BRD1: variants seen among roughly 807,000 people sequenced by gnomAD.
BRD1 encodes bromodomain-containing protein 1.
Under a neutral mutation model 107.7 loss-of-function variants are expected in BRD1, and 24 were observed. That is an observed-to-expected ratio of 0.22 (90% confidence interval 0.16 to 0.31). The LOEUF (loss-of-function observed/expected upper bound fraction) is 0.31. BRD1 is among the 10% of genes least tolerant of loss of function. The pLI, the probability that BRD1 is intolerant of heterozygous loss-of-function variation, is 1.00. For missense variants in BRD1, 1,279 were observed against 1,638.6 expected (o/e 0.78, Z 3.79); for synonymous variants, 744 against 686.1 (o/e 1.08, Z -1.32).
At chr22:49,784,863 C>T (rs918047156) in intron 8 of BRD1, among the ~76,000 whole-genome samples, 5 of 152,208 alleles carry the variant, frequency 3.3e-5, no homozygotes, top group East Asian at 1.9e-4. Context: ...CTCCCACTCC[C>T]GAGGGCCTGG....
intron 3 of BRD1, among the ~76,000 whole-genome samples, chr22:49,800,628 C>T (rs1182018544): frequency 6.6e-6 from 1 of 152,200 alleles, no homozygotes; most frequent in African/African-American, 2.4e-5. Flanking sequence ...GCTCCCCAAC[C>T]TGGTTTAACA....
intron 7 of BRD1, among the ~76,000 whole-genome samples, chr22:49,791,365 C>A (rs2059431484): frequency 6.6e-6 from 1 of 152,226 alleles, no homozygotes; most frequent in South Asian, 2.1e-4. Context: ...TGGCACTCAA[C>A]GGCTACAGCC....
At chr22:49,825,854 TTC>T (rs2060141705) in intron 1 of BRD1, 1 of 152,270 alleles carries the variant, frequency 6.6e-6, no homozygotes, top group Non-Finnish European at 1.5e-5. Context: ...CTGGGTATCT[TTC>T]TCTGTATCAG....
At chr22:49,804,502 A>G (rs1054357073) in intron 2 of BRD1, 142 bp from the exon 3 acceptor site, 12 of 932,336 alleles carry the variant, frequency 1.3e-5, no homozygotes, top group Non-Finnish European at 1.7e-5. Context: ...TATTTCTACT[A>G]TCCCTAGTGC....
At position 49,823,951 on chromosome 22, in the gene BRD1, G is replaced by A; in HGVS notation, c.367C>T (p.Arg123Cys). 2 of 1,614,088 alleles carry A rather than the reference G, an allele frequency of 1.2e-6. No individual in the cohort carries two copies. The highest frequency in any genetic ancestry group is 2.2e-5 in the East Asian group (1 of 44,876). Reference protein sequence around the residue: ...SASALPEPKVRIVEYSPPSAP... With the variant: ...SASALPEPKVCIVEYSPPSAP... The stretch of plus-strand genomic sequence containing the variant: ...GACGGAGGGCTGTACTCCACGATGC[G>A]CACCTTGGGCTCCGGGAGGGCACTG... The change falls in exon 2 of 13, where the codon CGC (arginine) becomes TGC (cysteine). Residue 123 changes from arginine (R) to cysteine (C), a missense_variant. Around this residue, in one of 7 missense-constraint regions of BRD1, gnomAD observed 223 missense variants for 263.5 expected, o/e 0.85. Coordinates refer to ENST00000404760, the MANE Select transcript of BRD1 (RefSeq NM_001304808.3).
chr22:49,814,095 G>A (rs958465407), intron 2 of BRD1, among the ~76,000 whole-genome samples: 2 of 152,190 alleles, frequency 1.3e-5, no homozygotes, highest in Non-Finnish European at 2.9e-5. Flanking sequence ...CAATGGAATG[G>A]AAGGAATGGG....
At chr22:49,784,257 C>T (rs983728073) in intron 8 of BRD1, among the ~76,000 whole-genome samples, 25 of 150,738 alleles carry the variant, frequency 1.7e-4, no homozygotes, top group Non-Finnish European at 3.1e-4. Context: ...CGCCCCAGCA[C>T]GTGCACAGGG....
In BRD1 at chr22:49,826,243, G is replaced by A. The variant is rs969292845; in HGVS notation, c.-15+1254C>T. ...GCCCCTGGAAACCCACTCTCTCCCAGGGAGCCGTGAAGCTCTTCATCGCAA... is the reference window on the plus strand; with the variant it reads ...GCCCCTGGAAACCCACTCTCTCCCAAGGAGCCGTGAAGCTCTTCATCGCAA... On this transcript the variant is annotated intron_variant, in intron 1 of 12. Coordinates refer to ENST00000404760, the MANE Select transcript of BRD1 (RefSeq NM_001304808.3). 28 of 985,466 alleles carry A rather than the reference G, an allele frequency of 2.8e-5. No individual in the cohort carries two copies. In the South Asian group the frequency reaches 1.2e-3, roughly 43 times the overall value. The allele number at this position is 985,466 out of a possible 1,614,324, so 61.0% of individuals were successfully genotyped here.
chr22:49,793,624 C>A (rs1246939246), intron 7 of BRD1, among the ~76,000 whole-genome samples: 4 of 152,140 alleles, frequency 2.6e-5, no homozygotes, highest in South Asian at 2.1e-4. Context: ...GATGGCCTAG[C>A]GCACAATTAA....
chr22:49,774,760 C>T (rs2059048256), intron 12 of BRD1, among the ~76,000 whole-genome samples: 1 of 152,254 alleles, frequency 6.6e-6, no homozygotes. Flanking sequence ...TTGGGGAGAC[C>T]CCATCAAAGG....
Position 49,815,160 on chromosome 22 carries a change from T to C in BRD1, c.1367+7791A>G, listed in dbSNP as rs1366827036. 2.6e-5 allele frequency among the ~76,000 whole-genome samples: 4 copies of C among 152,316 alleles called. No individual in the cohort carries two copies. In the South Asian group the frequency reaches 8.3e-4, roughly 32 times the overall value. ...AGTCTGAGTGCAGAGGAAGGTGCGG[T>C]GAGGCCAGTGAGAAACGCAGCCCAT... On this transcript the variant is annotated intron_variant, in intron 2 of 12. Transcript: ENST00000404760.
rs17001300 is a variant in BRD1, at chr22:49,790,067, G to T, written c.2360-2180C>A. ...GCCGCCAGCACGCAGGCTAAAGGATGCGTTCCTGCAGCACTGACCAGAGGC... is the reference window on the plus strand; with the variant it reads ...GCCGCCAGCACGCAGGCTAAAGGATTCGTTCCTGCAGCACTGACCAGAGGC... On this transcript the variant is annotated intron_variant, in intron 7 of 12. Transcript: ENST00000404760. Among the ~76,000 whole-genome samples, 1,296 of 152,328 alleles carry T rather than the reference G, an allele frequency of 8.5e-3. 21 individuals carry two copies. The highest frequency in any genetic ancestry group is 0.03 in the African/African-American group (1,243 of 41,562).
At position 49,804,234 on chromosome 22, in the gene BRD1, G is replaced by A. The variant is rs918950405; in HGVS notation, c.1494C>T (p.Ser498=). The A allele has an allele frequency of 6.2e-7, 1 of 1,605,468 alleles. No homozygotes were observed. The highest frequency in any genetic ancestry group is 1.3e-5 in the African/African-American group (1 of 74,846). The change falls in exon 3 of 13, where the codon TCC becomes TCT. Residue 498 remains serine, a synonymous_variant. Coordinates refer to ENST00000404760, the MANE Select transcript of BRD1 (RefSeq NM_001304808.3). ...GTGAGCTTCGCTGAGACTGCAGGCT[G>A]GACTGCAGCCGCCGCAGCAGGGGGG... ...NGAPLLRRLQ[S]SLQSQRSSQQ...
At position 49,823,030 on chromosome 22, in the gene BRD1, C is replaced by A. The variant is rs762105541; in HGVS notation, c.1288G>T (p.Ala430Ser). Reference sequence around the variant, plus strand: ...GCCAGAGCTTTCTTAGCCTTTTTTGCCTTCTTCCTGACCTTGGATGTGGAC... The same window carrying A: ...GCCAGAGCTTTCTTAGCCTTTTTTGACTTCTTCCTGACCTTGGATGTGGAC... ...VRSTSKVRKK[A>S]KKAKKALAEP... The change falls in exon 2 of 13, where the codon GCA becomes TCA. Residue 430 changes from alanine to serine, a missense_variant. This residue lies in a region of BRD1 where 87 missense variants were observed against 77.1 expected (regional missense o/e 1.13). Transcript: ENST00000404760. 6.2e-7 allele frequency: 1 copy of A among 1,614,036 alleles called. No individual in the cohort carries two copies. The highest frequency in any genetic ancestry group is 1.3e-5 in the African/African-American group (1 of 74,912).
chr22:49,792,032 T>C lies in BRD1; in HGVS notation c.2359+2002A>G, dbSNP rs1183053055. 6.6e-6 allele frequency among the ~76,000 whole-genome samples: 1 copy of C among 152,140 alleles called. No homozygotes were observed. The highest frequency in any genetic ancestry group is 1.5e-5 in the Non-Finnish European group (1 of 68,020). On this transcript the variant is annotated intron_variant, in intron 7 of 12. Coordinates refer to ENST00000404760, the MANE Select transcript of BRD1 (RefSeq NM_001304808.3). The surrounding 1 kb of genome is among the most constrained non-coding windows in gnomAD (Gnocchi z 4.2). The stretch of plus-strand genomic sequence containing the variant: ...GGCTCCTGCTAAGCGTTGGGTGTTA[T>C]GAGGAGCCACGCTCACCACAGCGGA...
intron 2 of BRD1, among the ~76,000 whole-genome samples, chr22:49,813,715 C>T (rs907594656): frequency 1.3e-5 from 2 of 151,716 alleles, no homozygotes; most frequent in Non-Finnish European, 2.9e-5. Context: ...GCCTGTAATG[C>T]CAGTTACTCG....
At chr22:49,821,146 A>G (rs2060058049) in intron 2 of BRD1, among the ~76,000 whole-genome samples, 1 of 152,206 alleles carries the variant, frequency 6.6e-6, no homozygotes, top group Non-Finnish European at 1.5e-5. Context: ...TGCCTCCTTC[A>G]GTCCTGCCTA....
Position 49,777,051 on chromosome 22 carries a change from G to A in BRD1, c.3104C>T (p.Ala1035Val), listed in dbSNP as rs563026361. ...CGACTCACCGGCTGCGATCCTGGCCGCCTTGGCGTAGTTCCCATTCTCGAT... is the reference window on the plus strand; with the variant it reads ...CGACTCACCGGCTGCGATCCTGGCCACCTTGGCGTAGTTCCCATTCTCGAT... The part of the protein sequence containing the change: ...SCIENGNYAK[A>V]ARIAAEVGQS... Residue 1035 changes from alanine (A) to valine (V), a missense_variant, in exon 10 of 13, where the codon GCG (alanine) becomes GTG (valine). Ala to Val is a moderately conservative substitution (Grantham distance 64). Coordinates refer to ENST00000404760, the MANE Select transcript of BRD1 (RefSeq NM_001304808.3). The A allele has an allele frequency of 2.7e-5, 43 of 1,613,076 alleles. No homozygotes were observed. Among genetic ancestry groups the A allele is most frequent in the East Asian group, 4.5e-5 (2 of 44,902 alleles).
Position 49,818,616 on chromosome 22 carries a change from G to A in BRD1, c.1367+4335C>T, listed in dbSNP as rs142846884. 3.6e-3 allele frequency among the ~76,000 whole-genome samples: 553 copies of A among 152,244 alleles called. 2 individuals are homozygous for A. The highest frequency in any genetic ancestry group is 0.012 in the African/African-American group (507 of 41,526). Reference sequence around the variant, plus strand: ...ACAAAATGTCCTCCTGGCCGGGCTCGGTGGCTCACGCCTCTAATCCTAGCA... The same window carrying A: ...ACAAAATGTCCTCCTGGCCGGGCTCAGTGGCTCACGCCTCTAATCCTAGCA... On this transcript the variant is annotated intron_variant, in intron 2 of 12. Transcript: ENST00000404760.
Sources: gnomAD v4.1 joint callset for allele counts (sites outside exome capture counted in the v4.1 genomes callset) on GRCh38, gnomAD v4.1.1 for gene constraint, gnomAD v4.1.1 regional missense constraint, Gnocchi (gnomAD v3.1) non-coding constraint, MANE v1.5 for transcripts, NCBI Gene and HGNC (gene_info 2026-07-23, HGNC 2026-07-21) for gene names.